DCDC2C: variants seen among roughly 807,000 people sequenced by gnomAD.
DCDC2C encodes the protein doublecortin domain containing 2C.
A neutral mutation model predicts 45.0 loss-of-function variants in DCDC2C; 44 were observed. The ratio of observed to expected loss-of-function variants is 0.98; its 90% CI spans 0.77 to 1.26. DCDC2C has a LOEUF of 1.26. DCDC2C is among the 50% of genes most tolerant of loss of function. DCDC2C has a pLI of 0.00. For synonymous variants in DCDC2C, 187 were observed against 178.8 expected, an observed-to-expected ratio of 1.05 and a Z score of -0.37; for missense variants, 447 against 468.9, an observed-to-expected ratio of 0.95 and a Z score of 0.43.
rs190516251 is a variant in DCDC2C at position 3,818,071 on chromosome 2, G to A, written c.1066-29083G>A. Among the ~76,000 whole-genome samples the A allele has an allele frequency of 2.0e-5, 3 of 152,222 alleles. No homozygotes were observed. The highest frequency in any genetic ancestry group is 1.9e-4 in the East Asian group (1 of 5,182). The stretch of plus-strand genomic sequence containing the variant: ...AGGAAGAAATTTGGGCTTTGGAGGG[G>A]GATATGAGATATCCTTTTGAGAATA... On this transcript the variant is annotated intron_variant, in intron 10 of 10. Coordinates refer to ENST00000399143, the MANE Select transcript of DCDC2C (RefSeq NM_001287444.2). This position sits in a 1 kb window ranked among gnomAD's most constrained non-coding sequence, Gnocchi z 4.7.
Position 3,754,630 on chromosome 2 carries a change from A to G in DCDC2C, c.722A>G (p.Lys241Arg), listed in dbSNP as rs1558210694. The G allele has an allele frequency of 6.5e-7, 1 of 1,549,320 alleles. No individual in the cohort carries two copies. The highest frequency in any genetic ancestry group is 8.7e-7 in the Non-Finnish European group (1 of 1,146,570). ...ANVEKNSQRK[K>R]KVDSKGKEPC... ...GTTGAAAAAAACTCACAGAGAAAGA[A>G]AAAAGTAAGTAACTTTTTAAAACAA... The change falls in exon 6 of 11, where the codon AAA (lysine) becomes AGA (arginine). Residue 241 changes from lysine to arginine, a missense_variant. Coordinates refer to ENST00000399143, the MANE Select transcript of DCDC2C (RefSeq NM_001287444.2).
chr2:3,829,181 C>T (rs948014904), intron 10 of DCDC2C, among the ~76,000 whole-genome samples: 4 of 152,046 alleles, frequency 2.6e-5, no homozygotes, highest in Non-Finnish European at 2.9e-5. Context: ...ACCGCTTCAC[C>T]GCTTCTTCTC....
intron 10 of DCDC2C, among the ~76,000 whole-genome samples, chr2:3,806,836 T>C (rs1316163271): frequency 1.3e-5 from 2 of 152,166 alleles, no homozygotes; most frequent in Non-Finnish European, 2.9e-5. Flanking sequence ...CCTGAGCCAC[T>C]GCGCCTGGCC....
At chr2:3,783,366 A>G (rs1197960841) in intron 9 of DCDC2C, among the ~76,000 whole-genome samples, 3 of 151,994 alleles carry the variant, frequency 2.0e-5, no homozygotes, top group Admixed American at 1.3e-4. Flanking sequence ...GCTCTCACCC[A>G]CTTCCAGGGC....
At chr2:3,763,721 A>T (rs1415077457) in intron 6 of DCDC2C, among the ~76,000 whole-genome samples, 3 of 152,030 alleles carry the variant, frequency 2.0e-5, no homozygotes, top group African/African-American at 7.3e-5. Context: ...AGCATCCTTC[A>T]CAGCCCACCG....
intron 10 of DCDC2C, among the ~76,000 whole-genome samples, chr2:3,797,166 T>G (rs1572625413): frequency 6.6e-6 from 1 of 152,246 alleles, no homozygotes. Context: ...TAGAGTTGTT[T>G]GTAGTATTCT....
chr2:3,728,859 GGAGA>G (rs1440865885), intron 3 of DCDC2C, among the ~76,000 whole-genome samples: 1 of 152,198 alleles, frequency 6.6e-6, no homozygotes, highest in Non-Finnish European at 1.5e-5. Context: ...GCCAGATGCT[GGAGA>G]GAGAGCCCGG....
intron 10 of DCDC2C, among the ~76,000 whole-genome samples, chr2:3,799,653 G>A (rs1179739810): frequency 7.2e-5 from 11 of 152,264 alleles, no homozygotes; most frequent in South Asian, 2.1e-4. Context: ...TGCCCCTGCT[G>A]GGGGGTGCCT....
At chr2:3,822,353 G>C (rs902739602) in intron 10 of DCDC2C, among the ~76,000 whole-genome samples, 6 of 152,056 alleles carry the variant, frequency 3.9e-5, no homozygotes, top group African/African-American at 9.7e-5. Context: ...TCAGTAGTTT[G>C]TGTCTTTCTA....
intron 2 of DCDC2C, among the ~76,000 whole-genome samples, chr2:3,709,404 C>T (rs894664821): frequency 2.0e-5 from 3 of 152,248 alleles, no homozygotes; most frequent in Admixed American, 2.0e-4. Context: ...CGGCTCTTCT[C>T]TGTGTCTTTG....
chr2:3,742,695 T>C (rs780390976), intron 4 of DCDC2C, among the ~76,000 whole-genome samples: 1 of 152,160 alleles, frequency 6.6e-6, no homozygotes, highest in Non-Finnish European at 1.5e-5. Context: ...ACTTGATGCA[T>C]AGTAGGCGTG....
chr2:3,783,695 A>T (rs1157422311), intron 9 of DCDC2C, among the ~76,000 whole-genome samples: 2 of 152,198 alleles, frequency 1.3e-5, no homozygotes, highest in Non-Finnish European at 2.9e-5. Context: ...GTGGCAGTGG[A>T]GGTAGCGTGG....
Position 3,703,921 on chromosome 2 carries a change from C to G in DCDC2C, c.170C>G (p.Pro57Arg). The G allele has an allele frequency of 1.5e-6, 2 of 1,338,966 alleles. No homozygotes were observed. The highest frequency in any genetic ancestry group is 1.9e-5 in the South Asian group (1 of 53,484). The allele number at this position is 1,338,966 out of a possible 1,614,324, so 82.9% of individuals were successfully genotyped here. ...LEQLTEQVDV[P>R]FGVRRLFTPT... The stretch of plus-strand genomic sequence containing the variant: ...CAGCTCACGGAGCAGGTGGACGTCC[C>G]GTTCGGCGTGCGCCGCCTCTTCACG... The change falls in exon 1 of 11, where the codon CCG becomes CGG. Residue 57 changes from proline to arginine, a missense_variant. By Grantham distance (103) the Pro-to-Arg change is moderately radical. Transcript: ENST00000399143. The surrounding 1 kb of genome is among the most constrained non-coding windows in gnomAD (Gnocchi z 4.4).
In DCDC2C at chr2:3,800,683, A is replaced by G. The variant is rs957707304; in HGVS notation, c.1065+15583A>G. On this transcript the variant is annotated intron_variant, in intron 10 of 10. Coordinates refer to ENST00000399143, the MANE Select transcript of DCDC2C (RefSeq NM_001287444.2). ...TCATGAGTTCTTCTCATTTCCTTAC[A>G]CAGGATATTACAAAGGTCATGTGCT... is the stretch of plus-strand genomic sequence containing the variant. Among the ~76,000 whole-genome samples, 7 of 125,318 alleles carry G rather than the reference A, an allele frequency of 5.6e-5. 1 individual carries two copies. The highest frequency in any genetic ancestry group is 8.6e-5 in the Admixed American group (1 of 11,684). 82.2% of individuals were successfully genotyped at this position (125,318 alleles called of 152,430 possible). A position where few individuals can be genotyped will look rare whatever the true frequency, so the allele number is the denominator to read the frequency against.
In DCDC2C at chr2:3,740,242, T is replaced by C. The variant is rs140190087; in HGVS notation, c.417-1678T>C. Among the ~76,000 whole-genome samples the C allele has an allele frequency of 3.2e-4, 49 of 152,376 alleles. No individual in the cohort carries two copies. In the East Asian group the frequency reaches 8.7e-3, roughly 27 times the overall value. On this transcript the variant is annotated intron_variant, in intron 3 of 10. Transcript: ENST00000399143. The stretch of plus-strand genomic sequence containing the variant: ...ACCAGTCATCCATACTTAGACATTT[T>C]GTATTTTTGACTTCATACATAATTC...
At chr2:3,710,636 G>A (rs149144475) in intron 2 of DCDC2C, among the ~76,000 whole-genome samples, 119 of 152,192 alleles carry the variant, frequency 7.8e-4, no homozygotes, top group East Asian at 3.5e-3. Context: ...CCCTCCGTCC[G>A]CCATCTATTA....
intron 9 of DCDC2C, among the ~76,000 whole-genome samples, chr2:3,782,562 T>G (rs1670542772): frequency 6.6e-6 from 1 of 151,612 alleles, no homozygotes; most frequent in Non-Finnish European, 1.5e-5. Context: ...CACTGCAAGC[T>G]CCGCCTCCTG....
At position 3,847,825 on chromosome 2, in the gene DCDC2C, T is replaced by C. The variant is rs1402309677; in HGVS notation, c.*642T>C. 6.6e-6 allele frequency among the ~76,000 whole-genome samples: 1 copy of C among 152,068 alleles called. No homozygotes were observed. Among genetic ancestry groups the C allele is most frequent in the African/African-American group, 2.4e-5 (1 of 41,406 alleles). ...GTGAGTGAGTGCTCCCGAGATCCAG[T>C]TGTTTAAAAGTGTGTAGCACTTCCC... On this transcript the variant is annotated 3_prime_UTR_variant, in exon 11 of 11. Coordinates refer to ENST00000399143, the MANE Select transcript of DCDC2C (RefSeq NM_001287444.2).
At chr2:3,821,944 A>G (rs887133925) in intron 10 of DCDC2C, among the ~76,000 whole-genome samples, 2 of 147,620 alleles carry the variant, frequency 1.4e-5, no homozygotes, top group Non-Finnish European at 3.0e-5. Context: ...ATTTCAGAAT[A>G]TTTTTATCAC....
Sources: gnomAD v4.1 joint callset for allele counts (sites outside exome capture counted in the v4.1 genomes callset) on GRCh38, gnomAD v4.1.1 for gene constraint, Gnocchi (gnomAD v3.1) non-coding constraint, MANE v1.5 for transcripts, NCBI Gene and HGNC (gene_info 2026-07-23, HGNC 2026-07-21) for gene names.